PLD2: variants seen among roughly 807,000 people sequenced by gnomAD.
The protein encoded by PLD2 is phospholipase D2, also known as choline phosphatase 2.
Under a neutral mutation model 119.8 loss-of-function variants are expected in PLD2, and 101 were observed. The ratio of observed to expected loss-of-function variants is 0.84; its 90% CI spans 0.72 to 0.99. PLD2 has a LOEUF of 0.99. PLD2 is among the 50% of genes least tolerant of loss of function. The pLI, the probability that PLD2 is intolerant of heterozygous loss-of-function variation, is 0.00. For synonymous variants in PLD2, 494 were observed against 482.8 expected (o/e 1.02, Z -0.30); for missense variants, 1,164 against 1,226.8 (o/e 0.95, Z 0.76).
intron 7 of PLD2, 42 bp downstream of exon 7, chr17:4,809,593 A>G: frequency 1.9e-6 from 3 of 1,607,366 alleles, no homozygotes; most frequent in Non-Finnish European, 2.6e-6. Context: ...CGTAGACATC[A>G]CTCTTAATTT....
In PLD2 at chr17:4,808,034, G is replaced by A. The variant is rs750267339; in HGVS notation, c.160G>A (p.Val54Met). The A allele has an allele frequency of 1.9e-6, 3 of 1,612,890 alleles. No individual in the cohort carries two copies. The highest frequency in any genetic ancestry group is 2.5e-6 in the Non-Finnish European group (3 of 1,179,086). Residue 54 changes from valine (V) to methionine (M), a missense_variant, in exon 3 of 25, where the codon GTG (valine) becomes ATG (methionine). Transcript: ENST00000263088. The surrounding 1 kb of genome is among the most constrained non-coding windows in gnomAD (Gnocchi z 4.1). The stretch of plus-strand genomic sequence containing the variant: ...CATCTATGAGCTTCAGTCTCTGAAA[G>A]TGCACCCCTTGGTGTTCGCACCTGG... ...LAIYELQSLK[V>M]HPLVFAPGVP...
At chr17:4,820,661 C>T (rs1346168889) in intron 23 of PLD2, among the ~76,000 whole-genome samples, 45 of 150,598 alleles carry the variant, frequency 3.0e-4, no homozygotes, top group East Asian at 9.7e-4. Context: ...CTGCAGGCTC[C>T]GCCGCCCAGG....
rs775102349 is a variant in PLD2, at chr17:4,818,489, C to T, written c.2010-5C>T. 34 of 1,611,982 alleles carry T rather than the reference C, an allele frequency of 2.1e-5. No individual in the cohort carries two copies. Among genetic ancestry groups the T allele is most frequent in the Non-Finnish European group, 2.9e-5 (34 of 1,178,248 alleles). On this transcript the variant is annotated splice_region_variant and splice_polypyrimidine_tract_variant and intron_variant, in intron 19 of 24. Coordinates refer to ENST00000263088, the MANE Select transcript of PLD2 (RefSeq NM_002663.5). ...GTCGCACCTCTGACTCCACCCCCTCCCCAGACAGGGGTGGTGTTACCGAGT... is the reference window on the plus strand; with the variant it reads ...GTCGCACCTCTGACTCCACCCCCTCTCCAGACAGGGGTGGTGTTACCGAGT...
Position 4,819,493 on chromosome 17 carries a change from C to A in PLD2, c.2373C>A (p.Ile791=). Residue 791 remains isoleucine, a synonymous_variant, in exon 23 of 25, where the codon ATC becomes ATA. Transcript: ENST00000263088. The surrounding 1 kb of genome is among the most constrained non-coding windows in gnomAD (Gnocchi z 4.2). The part of the protein sequence containing the change: ...GKRDSELAVL[I]EDTETEPSLM... ...GGGACAGTGAGCTGGCCGTGCTGAT[C>A]GAGGACACAGAGACGGAACCATCCC... is the stretch of plus-strand genomic sequence containing the variant. 1 of 1,614,052 alleles carries A rather than the reference C, an allele frequency of 6.2e-7. No homozygotes were observed. The highest frequency in any genetic ancestry group is 8.5e-7 in the Non-Finnish European group (1 of 1,180,000).
At position 4,815,472 on chromosome 17, in the gene PLD2, C is replaced by T. The variant is rs757596195; in HGVS notation, c.1174-4C>T. On this transcript the variant is annotated splice_region_variant and splice_polypyrimidine_tract_variant and intron_variant, in intron 12 of 24. Transcript: ENST00000263088. ...TAGGATCTGATTCCCCAACTCACCACCAGGAGGAGGGTGTCCGTGTGTCTA... is the reference window on the plus strand; with the variant it reads ...TAGGATCTGATTCCCCAACTCACCATCAGGAGGAGGGTGTCCGTGTGTCTA... 25 of 1,580,290 alleles carry T rather than the reference C, an allele frequency of 1.6e-5. No homozygotes were observed. The highest frequency in any genetic ancestry group is 1.2e-5 in the Non-Finnish European group (14 of 1,149,106).
At chr17:4,814,579 G>A in intron 11 of PLD2, 54 bp from the exon 12 acceptor site, 2 of 1,612,696 alleles carry the variant, frequency 1.2e-6, no homozygotes, top group South Asian at 1.1e-5. Flanking sequence ...GAAGGGGGGT[G>A]CAGCTGGTGG....
Position 4,821,818 on chromosome 17 carries a change from C to T in PLD2, c.2488C>T (p.Pro830Ser), listed in dbSNP as rs767893006. The T allele has an allele frequency of 6.8e-6, 11 of 1,613,886 alleles. No individual in the cohort carries two copies. Among genetic ancestry groups the T allele is most frequent in the Non-Finnish European group, 7.6e-6 (9 of 1,179,784 alleles). Reference protein sequence around the residue: ...FGVILGANTRPDLDLRDPICD... With the variant: ...FGVILGANTRSDLDLRDPICD... ...TGTGATTCTTGGAGCAAATACCCGG[C>T]CAGACTTGGATCTCCGAGACCCCAT... Residue 830 changes from proline (P) to serine (S), a missense_variant, in exon 24 of 25, where the codon CCA becomes TCA. Pro to Ser is a moderately conservative substitution (Grantham distance 74). Coordinates refer to ENST00000263088, the MANE Select transcript of PLD2 (RefSeq NM_002663.5).
intron 14 of PLD2, 79 bp downstream of exon 14, chr17:4,816,013 C>T (rs1597330316): frequency 9.4e-7 from 1 of 1,068,830 alleles, no homozygotes; most frequent in South Asian, 1.4e-5. Flanking sequence ...TCCAGCCTTA[C>T]CCCCTCAGTC....
rs1907396067 is a variant in PLD2, at chr17:4,819,322, GA to G, written c.2308+105del. On this transcript the variant is annotated intron_variant, in intron 22 of 24. Transcript: ENST00000263088. This position sits in a 1 kb window ranked among gnomAD's most constrained non-coding sequence, Gnocchi z 4.2. ...TGCAGCTGAGGCTCGTGTAGGGGTGGAGGGTCCAAGAAGGAATGTTGCAGGC... is the reference window on the plus strand; with the variant it reads ...TGCAGCTGAGGCTCGTGTAGGGGTGGGGGTCCAAGAAGGAATGTTGCAGGC... The G allele has an allele frequency of 1.3e-6, 2 of 1,593,692 alleles. No homozygotes were observed. The highest frequency in any genetic ancestry group is 3.4e-5 in the Admixed American group (2 of 59,036).
chr17:4,818,939 C>A, intron 21 of PLD2, 116 bp downstream of exon 21: 1 of 1,479,852 alleles, frequency 6.8e-7, no homozygotes, highest in South Asian at 1.2e-5. Flanking sequence ...TCTGACGCTA[C>A]GCAGACCATA....
intron 23 of PLD2, chr17:4,821,544 C>T: frequency 3.1e-6 from 1 of 321,234 alleles, no homozygotes; most frequent in East Asian, 7.3e-5. Flanking sequence ...TAGGCACATG[C>T]CACCGTGCCT....
chr17:4,808,487 G>C lies in PLD2; in HGVS notation c.383+71G>C. The C allele has an allele frequency of 1.3e-6, 2 of 1,496,544 alleles. No individual in the cohort carries two copies. The highest frequency in any genetic ancestry group is 1.8e-6 in the Non-Finnish European group (2 of 1,089,816). 92.7% of individuals were successfully genotyped at this position (1,496,544 alleles called of 1,614,324 possible). A position where few individuals can be genotyped will look rare whatever the true frequency, so the allele number is the denominator to read the frequency against. ...CCCTCCTTTCTGTCTGTCTCACCCC[G>C]GGGCCACAACCTTTCCTCCCTGCAA... On this transcript the variant is annotated intron_variant, in intron 4 of 24. Transcript: ENST00000263088. This position sits in a 1 kb window ranked among gnomAD's most constrained non-coding sequence, Gnocchi z 4.1.
At chr17:4,810,211 C>G (rs970439563) in intron 9 of PLD2, among the ~76,000 whole-genome samples, 182 bp downstream of exon 9, 33 of 152,118 alleles carry the variant, frequency 2.2e-4, no homozygotes, top group African/African-American at 7.5e-4. Context: ...AGACTGGGCC[C>G]AGAGAAAGGG....
Position 4,816,964 on chromosome 17 carries a change from G to A in PLD2, c.1610G>A (p.Arg537Gln), listed in dbSNP as rs751230743. 4.5e-5 allele frequency: 72 copies of A among 1,613,684 alleles called. No individual in the cohort carries two copies. Among genetic ancestry groups the A allele is most frequent in the South Asian group, 1.4e-4 (13 of 91,060 alleles). ...EDFIDRETTP[R>Q]MPWRDVGVVV... ...TTCATTGACAGGGAGACGACCCCTC[G>A]GATGCCATGGCGGGACGTTGGGGTG... Residue 537 changes from arginine (R) to glutamine (Q), a missense_variant, in exon 16 of 25, where the codon CGG (arginine) becomes CAG (glutamine). Coordinates refer to ENST00000263088, the MANE Select transcript of PLD2 (RefSeq NM_002663.5).
At chr17:4,814,739 G>T (rs1312298278) in intron 12 of PLD2, 28 bp downstream of exon 12, 2 of 1,603,076 alleles carry the variant, frequency 1.2e-6, no homozygotes, top group Non-Finnish European at 1.7e-6. Context: ...GCCGCAGGGG[G>T]AGGGGGTTGC....
chr17:4,809,197 A>T lies in PLD2; in HGVS notation c.481A>T (p.Ser161Cys). The change falls in exon 5 of 25, where the codon AGC becomes TGC. Residue 161 changes from serine to cysteine, a missense_variant. By Grantham distance (112) the Ser-to-Cys change is moderately radical. Transcript: ENST00000263088. ...TGAGGGCTCCACCAGACATGCAGCC[A>T]GCAAACAGGTGGGACCAGATGCCAG... is the stretch of plus-strand genomic sequence containing the variant. ...GPEGSTRHAA[S>C]KQKYLENYLN... The T allele has an allele frequency of 6.2e-7, 1 of 1,614,162 alleles. No homozygotes were observed. The highest frequency in any genetic ancestry group is 8.5e-7 in the Non-Finnish European group (1 of 1,179,982).
In PLD2 at chr17:4,819,549, G is replaced by T. The variant is rs781198740; in HGVS notation, c.2429G>T (p.Arg810Met). 5 of 1,613,642 alleles carry T rather than the reference G, an allele frequency of 3.1e-6. 1 individual carries two copies. Among genetic ancestry groups the T allele is most frequent in the Non-Finnish European group, 4.2e-6 (5 of 1,179,716 alleles). Reference protein sequence around the residue: ...LMNGAEYQAGRFALSLRKHCF... With the variant: ...LMNGAEYQAGMFALSLRKHCF... Reference sequence around the variant, plus strand: ...AATGGGGCAGAGTATCAGGCGGGCAGGTTTGCCTTGAGTCTGCGGAAGCAC... The same window carrying T: ...AATGGGGCAGAGTATCAGGCGGGCATGTTTGCCTTGAGTCTGCGGAAGCAC... The change falls in exon 23 of 25, where the codon AGG becomes ATG. Residue 810 changes from arginine to methionine, a missense_variant. By Grantham distance (91) the Arg-to-Met change is moderately conservative. Transcript: ENST00000263088. The surrounding 1 kb of genome is among the most constrained non-coding windows in gnomAD (Gnocchi z 4.2).
chr17:4,815,881 C>A lies in PLD2; in HGVS notation c.1402C>A (p.Leu468Met). The A allele has an allele frequency of 6.2e-7, 1 of 1,614,124 alleles. No homozygotes were observed. The highest frequency in any genetic ancestry group is 8.5e-7 in the Non-Finnish European group (1 of 1,180,022). ...LDLAYGRWDD[L>M]HYRLTDLGDS... is the part of the protein sequence containing the mutation. The stretch of plus-strand genomic sequence containing the variant: ...CCTTGCCTATGGCCGCTGGGATGAC[C>A]TGCACTACCGACTGACTGACCTTGG... Residue 468 changes from leucine to methionine, a missense_variant, in exon 14 of 25, where the codon CTG (leucine) becomes ATG (methionine). Physicochemically the swap from Leu to Met is conservative, Grantham distance 15. Coordinates refer to ENST00000263088, the MANE Select transcript of PLD2 (RefSeq NM_002663.5).
chr17:4,814,349 C>G, intron 10 of PLD2, 69 bp from the exon 11 acceptor site: 4 of 1,550,360 alleles, frequency 2.6e-6, no homozygotes, highest in Non-Finnish European at 3.5e-6. Flanking sequence ...CGACTGTCCT[C>G]CGGTCTTCAC....
Sources: allele counts gnomAD v4.1 joint callset (sites outside exome capture counted in the v4.1 genomes callset), GRCh38; gene constraint gnomAD v4.1.1; non-coding constraint Gnocchi (gnomAD v3.1); transcripts MANE v1.5; gene names NCBI Gene and HGNC (gene_info 2026-07-23, HGNC 2026-07-21).